The following ROR2 variants were observed in gnomAD, a reference collection of about 807,000 sequenced individuals.
ROR2 encodes tyrosine-protein kinase transmembrane receptor ROR2.
ROR2 carries 33 observed loss-of-function variants against 74.9 expected under a neutral mutation model. That is an observed-to-expected ratio of 0.44 (90% confidence interval 0.33 to 0.59). ROR2 has a LOEUF of 0.59. Ranked by LOEUF, ROR2 falls within the 20% of genes least tolerant of loss-of-function variation. ROR2 has a pLI of 0.02. For synonymous variants in ROR2, 586 were observed against 558.7 expected, an observed-to-expected ratio of 1.05 and a Z score of -0.69; for missense variants, 1,216 against 1,313.8, an observed-to-expected ratio of 0.93 and a Z score of 1.15.
At chr9:91,764,801 T>C (rs1826013575) in intron 2 of ROR2, among the ~76,000 whole-genome samples, 1 of 152,190 alleles carries the variant, frequency 6.6e-6, no homozygotes, top group African/African-American at 2.4e-5. Context: ...ACACTCTTAG[T>C]CTTGGTCTGA....
chr9:91,796,278 C>CA (rs1417487493), intron 1 of ROR2, among the ~76,000 whole-genome samples: 4 of 151,830 alleles, frequency 2.6e-5, no homozygotes, highest in Non-Finnish European at 1.5e-5. Context: ...CTCATCTCTA[C>CA]AAAAATTAGC....
At chr9:91,742,300 G>T (rs1040929076) in intron 4 of ROR2, among the ~76,000 whole-genome samples, 2 of 152,278 alleles carry the variant, frequency 1.3e-5, no homozygotes, top group African/African-American at 4.8e-5. Flanking sequence ...CTACATGTGG[G>T]TGATTCAATT....
In ROR2 at chr9:91,873,687, G is replaced by A. The variant is rs142103744; in HGVS notation, c.97+76180C>T. Among the ~76,000 whole-genome samples, 79 of 152,254 alleles carry A rather than the reference G, an allele frequency of 5.2e-4. 2 individuals carry two copies. The East Asian group carries it at 8.1e-3, about 16-fold the overall frequency. ...GACATCTGAAGTGCATTTGAGCCACGGCAGATGTACACACCACCTCCACTG... is the reference window on the plus strand; with the variant it reads ...GACATCTGAAGTGCATTTGAGCCACAGCAGATGTACACACCACCTCCACTG... On this transcript the variant is annotated intron_variant, in intron 1 of 8. Transcript: ENST00000375708.
At chr9:91,808,955 A>G (rs1827660753) in intron 1 of ROR2, among the ~76,000 whole-genome samples, 1 of 151,828 alleles carries the variant, frequency 6.6e-6, no homozygotes, top group East Asian at 1.9e-4. Context: ...GTGAGCTGAG[A>G]TCGCGCCACT....
intron 1 of ROR2, among the ~76,000 whole-genome samples, chr9:91,834,254 G>A (rs781142258): frequency 1.3e-5 from 2 of 152,118 alleles, no homozygotes; most frequent in South Asian, 4.1e-4. Context: ...GGGTGGACTT[G>A]CCCAGAGCCC....
At chr9:91,845,877 C>CAAAAAAAAAAAA (rs5899143) in intron 1 of ROR2, among the ~76,000 whole-genome samples, 14 of 33,898 alleles carry the variant, frequency 4.1e-4, no homozygotes, top group African/African-American at 7.3e-4. Flanking sequence ...GAATCCATCT[C>CAAAAAAAAAAAA]AAAAAAAAAA....
At chr9:91,876,875 T>G (rs1829969378) in intron 1 of ROR2, among the ~76,000 whole-genome samples, 1 of 152,088 alleles carries the variant, frequency 6.6e-6, no homozygotes, top group Non-Finnish European at 1.5e-5. Flanking sequence ...GAGAGGAATA[T>G]TTTCTAAAAG....
intron 1 of ROR2, among the ~76,000 whole-genome samples, chr9:91,820,672 T>C (rs1828112896): frequency 1.3e-5 from 2 of 152,212 alleles, no homozygotes; most frequent in Admixed American, 1.3e-4. Context: ...GGTTGACTTG[T>C]GTCCCCCAAA....
chr9:91,903,719 T>C (rs1351463385), intron 1 of ROR2, among the ~76,000 whole-genome samples: 1 of 151,966 alleles, frequency 6.6e-6, no homozygotes, highest in African/African-American at 2.4e-5. Context: ...ATTCGACAAC[T>C]CTGTAGACAA....
intron 1 of ROR2, among the ~76,000 whole-genome samples, chr9:91,808,269 T>C (rs1272932342): frequency 1.3e-5 from 2 of 152,216 alleles, no homozygotes; most frequent in Admixed American, 6.5e-5. Flanking sequence ...TCACTAAATA[T>C]GCACTTTGAA....
rs141424164 is a variant in ROR2, at chr9:91,837,434, C to A, written c.98-61616G>T. On this transcript the variant is annotated intron_variant, in intron 1 of 8. Coordinates refer to ENST00000375708, the MANE Select transcript of ROR2 (RefSeq NM_004560.4). ...ATCACATCACATCCACTATAAAAAA[C>A]CAAAACTTGTAACAATAAAAAAATC... 1.3e-4 allele frequency among the ~76,000 whole-genome samples: 20 copies of A among 152,278 alleles called. No individual in the cohort carries two copies. The East Asian group carries it at 2.5e-3, about 19-fold the overall frequency.
rs146421419 is a variant in ROR2, at chr9:91,724,537, G to A, written c.1957C>T (p.Leu653=). The A allele has an allele frequency of 6.2e-7, 1 of 1,614,206 alleles. No homozygotes were observed. The highest frequency in any genetic ancestry group is 1.3e-5 in the African/African-American group (1 of 75,072). The stretch of plus-strand genomic sequence containing the variant: ...GGGGCCATCCAGCGGATAGGCAGCA[G>A]CGAGTTCCCCAGCAGCTTGTAGTAA... The part of the protein sequence containing the change: ...ADYYKLLGNS[L]LPIRWMAPEA... The change falls in exon 9 of 9, where the codon CTG becomes TTG. Residue 653 remains leucine (L), a synonymous_variant. Coordinates refer to ENST00000375708, the MANE Select transcript of ROR2 (RefSeq NM_004560.4).
At chr9:91,827,889 G>A (rs527529346) in intron 1 of ROR2, among the ~76,000 whole-genome samples, 9 of 152,326 alleles carry the variant, frequency 5.9e-5, no homozygotes, top group Admixed American at 3.3e-4. Context: ...TCTCCTATCA[G>A]TATCCATCAT....
At chr9:91,881,418 C>T (rs1238517610) in intron 1 of ROR2, among the ~76,000 whole-genome samples, 3 of 152,162 alleles carry the variant, frequency 2.0e-5, no homozygotes, top group Non-Finnish European at 4.4e-5. Context: ...AAATGACATA[C>T]TGTATGCTGC....
chr9:91,902,412 G>C (rs1830697779), intron 1 of ROR2, among the ~76,000 whole-genome samples: 1 of 151,860 alleles, frequency 6.6e-6, no homozygotes, highest in Non-Finnish European at 1.5e-5. Flanking sequence ...AGCCCACCCT[G>C]CTTGTACCTC....
intron 1 of ROR2, among the ~76,000 whole-genome samples, chr9:91,865,288 G>A (rs886902052): frequency 3.9e-5 from 6 of 152,134 alleles, no homozygotes; most frequent in African/African-American, 2.4e-5. Context: ...TTACAGTGAC[G>A]CCTCTCCTAC....
At chr9:91,769,353 T>C (rs528383276) in intron 2 of ROR2, among the ~76,000 whole-genome samples, 1 of 152,096 alleles carries the variant, frequency 6.6e-6, no homozygotes, top group African/African-American at 2.4e-5. Context: ...TGCCCCACAA[T>C]GAGCATGGAG....
At chr9:91,911,630 C>T (rs76381086) in intron 1 of ROR2, among the ~76,000 whole-genome samples, 10,766 of 152,126 alleles carry the variant, frequency 0.071, 571 homozygotes, top group African/African-American at 0.14. Context: ...CAAAGCCACA[C>T]TAGACAAAAG....
chr9:91,891,996 C>T (rs1830431508), intron 1 of ROR2, among the ~76,000 whole-genome samples: 1 of 148,296 alleles, frequency 6.7e-6, no homozygotes, highest in Non-Finnish European at 1.5e-5. Context: ...TGCAGTGAAC[C>T]GAGATCGCGC....
Sources: gnomAD v4.1 joint callset for allele counts (sites outside exome capture counted in the v4.1 genomes callset) on GRCh38, gnomAD v4.1.1 for gene constraint, MANE v1.5 for transcripts, NCBI Gene and HGNC (gene_info 2026-07-23, HGNC 2026-07-21) for gene names.